Variants in DNAH10 observed in about 807,000 individuals in gnomAD.
DNAH10 encodes the protein dynein axonemal heavy chain 10, also known as axonemal beta dynein heavy chain 10.
In DNAH10, 348 loss-of-function variants were observed where a neutral mutation model predicts 506.6. That is an observed-to-expected ratio of 0.69 (90% CI 0.63 to 0.75). The LOEUF is 0.75. DNAH10 is among the 30% of genes least tolerant of loss of function. The pLI is 0.00. For synonymous variants in DNAH10, 2,059 were observed against 2,198.6 expected, an observed-to-expected ratio of 0.94 and a Z score of 1.78; for missense variants, 5,179 against 5,787.1, an observed-to-expected ratio of 0.89 and a Z score of 3.41.
At chr12:123,765,389 A>T (rs2135946582) in intron 1 of DNAH10, among the ~76,000 whole-genome samples, 1 of 152,268 alleles carries the variant, frequency 6.6e-6, no homozygotes, top group East Asian at 1.9e-4. Context: ...AAGAAAAAGC[A>T]ACGCTTCTCC....
chr12:123,795,602 A>T (rs922688039), intron 12 of DNAH10, among the ~76,000 whole-genome samples: 2 of 152,152 alleles, frequency 1.3e-5, no homozygotes, highest in African/African-American at 4.8e-5. Flanking sequence ...TCCCCAGAAA[A>T]TTCAGGATAA....
At chr12:123,822,642 A>G (rs1193811189) in intron 24 of DNAH10, among the ~76,000 whole-genome samples, 1 of 152,136 alleles carries the variant, frequency 6.6e-6, no homozygotes, top group East Asian at 1.9e-4. Context: ...ATCTATACCT[A>G]TATCTATGAG....
intron 65 of DNAH10, among the ~76,000 whole-genome samples, chr12:123,921,596 G>A (rs1196085998): frequency 6.7e-6 from 1 of 150,194 alleles, no homozygotes; most frequent in Non-Finnish European, 1.5e-5. Context: ...GTGTTCTGTG[G>A]TTTGCATCTC....
At position 123,808,786 on chromosome 12, in the gene DNAH10, A is replaced by G. The variant is rs1379571506; in HGVS notation, c.2988-11A>G. 10 of 1,613,592 alleles carry G rather than the reference A, an allele frequency of 6.2e-6. No individual in the cohort carries two copies. The highest frequency in any genetic ancestry group is 1.3e-5 in the African/African-American group (1 of 74,826). ...GATACACTCTGAGTCTTTCTCATCA[A>G]CCCCTCTTAGGAACTTGCAGTCTTT... On this transcript the variant is annotated splice_polypyrimidine_tract_variant and intron_variant, in intron 18 of 78. Coordinates refer to ENST00000673944, the MANE Select transcript of DNAH10 (RefSeq NM_001372106.1).
chr12:123,868,540 A>G (rs1386592566), intron 43 of DNAH10, among the ~76,000 whole-genome samples: 1 of 152,242 alleles, frequency 6.6e-6, no homozygotes, highest in Non-Finnish European at 1.5e-5. Flanking sequence ...CACAGTAGAC[A>G]ATCAAGTGTG....
At chr12:123,770,297 C>G (rs532860423) in intron 2 of DNAH10, among the ~76,000 whole-genome samples, 1 of 151,536 alleles carries the variant, frequency 6.6e-6, no homozygotes, top group East Asian at 2.0e-4. Flanking sequence ...GGTTTCACTA[C>G]ATTGCCCAGG....
chr12:123,836,752 A>G (rs1029769334), intron 28 of DNAH10, among the ~76,000 whole-genome samples: 5 of 151,942 alleles, frequency 3.3e-5, no homozygotes, highest in Non-Finnish European at 7.4e-5. Flanking sequence ...CTGGACGGTG[A>G]CTCACGCCTG....
rs776810809 is a variant in DNAH10 at position 123,808,905 on chromosome 12, C to T, written c.3096C>T (p.Ile1032=). ...TCCTTCATCCCAACACAAATGAGAT[C>T]GACAAGATGTGCTTCCATTGTGTCC... ...EIILHPNTNE[I]DKMCFHCVRN... Residue 1032 remains isoleucine, a synonymous_variant, in exon 19 of 79, where the codon ATC becomes ATT. Coordinates refer to ENST00000673944, the MANE Select transcript of DNAH10 (RefSeq NM_001372106.1). The T allele has an allele frequency of 6.2e-6, 10 of 1,614,158 alleles. No individual in the cohort carries two copies. The highest frequency in any genetic ancestry group is 8.5e-6 in the Non-Finnish European group (10 of 1,180,022).
At position 123,907,780 on chromosome 12, in the gene DNAH10, C is replaced by A. The variant is rs979797200; in HGVS notation, c.9816-1481C>A. Among the ~76,000 whole-genome samples the A allele has an allele frequency of 6.6e-6, 1 of 151,994 alleles. No individual in the cohort carries two copies. Among genetic ancestry groups the A allele is most frequent in the Non-Finnish European group, 1.5e-5 (1 of 68,022 alleles). ...GTGGCCGGGGCCTGGTTTCCATCCA[C>A]CCTGAAGGGACCTTTTAAAGACACT... is the stretch of plus-strand genomic sequence containing the variant. On this transcript the variant is annotated intron_variant, in intron 57 of 78. Transcript: ENST00000673944. This position sits in a 1 kb window ranked among gnomAD's most constrained non-coding sequence, Gnocchi z 4.4.
At position 123,826,678 on chromosome 12, in the gene DNAH10, C is replaced by T. The variant is rs149166061; in HGVS notation, c.4180-9C>T. 6.5e-5 allele frequency: 105 copies of T among 1,611,770 alleles called. No individual in the cohort carries two copies. The highest frequency in any genetic ancestry group is 1.8e-4 in the Middle Eastern group (1 of 5,420). On this transcript the variant is annotated splice_polypyrimidine_tract_variant and intron_variant, in intron 24 of 78. Coordinates refer to ENST00000673944, the MANE Select transcript of DNAH10 (RefSeq NM_001372106.1). ...TTTGTTGATGGAGCTGTTCCTTGCACGTTTCCAGGTTGCAAAAGAAGAATG... is the reference window on the plus strand; with the variant it reads ...TTTGTTGATGGAGCTGTTCCTTGCATGTTTCCAGGTTGCAAAAGAAGAATG...
chr12:123,796,075 G>A (rs925706710), intron 12 of DNAH10, among the ~76,000 whole-genome samples: 3 of 152,182 alleles, frequency 2.0e-5, no homozygotes, highest in South Asian at 2.1e-4. Context: ...ACAGATTTCC[G>A]GATTTCTGAT....
At chr12:123,914,673 T>G in intron 61 of DNAH10, 123 bp downstream of exon 61, 1 of 1,391,928 alleles carries the variant, frequency 7.2e-7, no homozygotes, top group Non-Finnish European at 9.6e-7. Flanking sequence ...TTGGCTCGAC[T>G]GCATGGAAGT....
chr12:123,893,321 G>C lies in DNAH10; in HGVS notation c.9084G>C (p.Pro3028=). The C allele has an allele frequency of 1.2e-6, 2 of 1,614,036 alleles. No homozygotes were observed. Among genetic ancestry groups the C allele is most frequent in the Non-Finnish European group, 1.7e-6 (2 of 1,179,906 alleles). Residue 3028 remains proline (P), a synonymous_variant, in exon 53 of 79, where the codon CCG becomes CCC. Coordinates refer to ENST00000673944, the MANE Select transcript of DNAH10 (RefSeq NM_001372106.1). ...AAGCTCTGAAGCAAGGCATGGGGCC[G>C]GCCAAGGAGTCTGTGTGGCAGTACT... ...GQEALKQGMG[P]AKESVWQYFV...
intron 36 of DNAH10, among the ~76,000 whole-genome samples, chr12:123,856,426 T>A (rs1594208603): frequency 6.6e-6 from 1 of 150,700 alleles, no homozygotes; most frequent in Non-Finnish European, 1.5e-5. Context: ...AACCTCCACC[T>A]CCTGGGTTCA....
Position 123,877,871 on chromosome 12 carries a change from C to A in DNAH10, c.8335C>A (p.Arg2779=). The A allele has an allele frequency of 6.2e-7, 1 of 1,614,018 alleles. No homozygotes were observed. The highest frequency in any genetic ancestry group is 8.5e-7 in the Non-Finnish European group (1 of 1,179,896). Residue 2779 remains arginine, a synonymous_variant, in exon 48 of 79, where the codon CGG becomes AGG. Coordinates refer to ENST00000673944, the MANE Select transcript of DNAH10 (RefSeq NM_001372106.1). Reference sequence around the variant, plus strand: ...CATCTTCAACCTTCGAGATCTCTCACGGGTTTTTAATGGTCTTGTCCTCAC... The same window carrying A: ...CATCTTCAACCTTCGAGATCTCTCAAGGGTTTTTAATGGTCTTGTCCTCAC... ...HYIFNLRDLS[R]VFNGLVLTNP...
Position 123,928,795 on chromosome 12 carries a change from A to C in DNAH10, c.12306+208A>C. The C allele has an allele frequency of 1.7e-6, 1 of 604,928 alleles. No homozygotes were observed. The highest frequency in any genetic ancestry group is 2.9e-6 in the Non-Finnish European group (1 of 346,518). 37.5% of individuals were successfully genotyped at this position (604,928 alleles called of 1,614,324 possible). A position where few individuals can be genotyped will look rare whatever the true frequency, so the allele number is the denominator to read the frequency against. On this transcript the variant is annotated intron_variant, in intron 70 of 78. Transcript: ENST00000673944. This position sits in a 1 kb window ranked among gnomAD's most constrained non-coding sequence, Gnocchi z 4.9. ...TTGGGTGTTTGTGACTCCCAGGCCT[A>C]TCTCTACCAATTCTGCATGTGTCCC...
In DNAH10 at chr12:123,903,415, C is replaced by G. The variant is rs1953621905; in HGVS notation, c.9815+302C>G. ...GGGTAAAACAGTGCTCTTCACGGAA[C>G]ATGCGGGGGCAAGTGTCCGCCCTAA... On this transcript the variant is annotated intron_variant, in intron 57 of 78. Transcript: ENST00000673944. This position sits in a 1 kb window ranked among gnomAD's most constrained non-coding sequence, Gnocchi z 4.6. Among the ~76,000 whole-genome samples, 1 of 152,234 alleles carries G rather than the reference C, an allele frequency of 6.6e-6. No individual in the cohort carries two copies. The highest frequency in any genetic ancestry group is 1.5e-5 in the Non-Finnish European group (1 of 68,044).
intron 58 of DNAH10, 84 bp from the exon 59 acceptor site, chr12:123,910,452 A>G: frequency 6.6e-7 from 1 of 1,520,658 alleles, no homozygotes; most frequent in South Asian, 1.3e-5. Context: ...GAAGAATAAG[A>G]AACTAGTTAT....
intron 19 of DNAH10, among the ~76,000 whole-genome samples, chr12:123,812,693 G>A (rs1269341269): frequency 1.3e-5 from 2 of 152,180 alleles, no homozygotes; most frequent in Non-Finnish European, 2.9e-5. Context: ...TTAGCTCTGG[G>A]TTCTGTGGGC....
Sources: gnomAD v4.1 joint callset for allele counts (sites outside exome capture counted in the v4.1 genomes callset) on GRCh38, gnomAD v4.1.1 for gene constraint, Gnocchi (gnomAD v3.1) non-coding constraint, MANE v1.5 for transcripts, NCBI Gene and HGNC (gene_info 2026-07-23, HGNC 2026-07-21) for gene names.